The following TEX9 variants were observed in gnomAD, a reference collection of about 807,000 sequenced individuals.
TEX9 encodes the protein testis-expressed protein 9.
Under a neutral mutation model 59.6 loss-of-function variants are expected in TEX9, and 74 were observed. The observed-to-expected ratio is 1.24, with a 90% CI of 1.03 to 1.51. The LOEUF is 1.51. TEX9 is among the 40% of genes most tolerant of loss of function. The pLI is 0.00. For synonymous variants in TEX9, 186 were observed against 152.2 expected, an observed-to-expected ratio of 1.22 and a Z score of -1.64; for missense variants, 522 against 447.8, an observed-to-expected ratio of 1.17 and a Z score of -1.49.
Position 56,421,730 on chromosome 15 carries a change from T to G in TEX9, c.964-5875T>G, listed in dbSNP as rs1245839055. 3 of 151,692 alleles carry G rather than the reference T, an allele frequency of 2.0e-5. No homozygotes were observed. In the East Asian group the frequency reaches 5.8e-4, roughly 29 times the overall value. 9.4% of individuals were successfully genotyped at this position (151,692 alleles called of 1,614,324 possible). A position where few individuals can be genotyped will look rare whatever the true frequency, so the allele number is the denominator to read the frequency against. On this transcript the variant is annotated intron_variant, in intron 10 of 12. Transcript: ENST00000352903. ...GAATATGCGGTGTTTGGTTTTTTGT[T>G]CTTGCGATAGTTTGCTGAGAATGAT... is the stretch of plus-strand genomic sequence containing the variant.
At chr15:56,384,400 A>G (rs1291817277) in intron 4 of TEX9, among the ~76,000 whole-genome samples, 4 of 152,332 alleles carry the variant, frequency 2.6e-5, no homozygotes, top group Non-Finnish European at 5.9e-5. Flanking sequence ...CTTCCAAGCC[A>G]AAACAGACAA....
rs2046906022 is a variant in TEX9, at chr15:56,365,633, C to G, written c.82C>G (p.Pro28Ala). 1 of 1,614,226 alleles carries G rather than the reference C, an allele frequency of 6.2e-7. No individual in the cohort carries two copies. Among genetic ancestry groups the G allele is most frequent in the African/African-American group, 1.3e-5 (1 of 75,052 alleles). Residue 28 changes from proline (P) to alanine (A), a missense_variant, in exon 2 of 13, where the codon CCT becomes GCT. By Grantham distance (27) the Pro-to-Ala change is conservative. Coordinates refer to ENST00000352903, the Ensembl canonical transcript of TEX9. The stretch of plus-strand genomic sequence containing the variant: ...GCCACCCGTTCAGCAACCCTCTACA[C>G]CTGGACCCGACCTCCTCGCCTTGGA...
chr15:56,441,085 T>C (rs931635079), intron 12 of TEX9, among the ~76,000 whole-genome samples: 2 of 152,178 alleles, frequency 1.3e-5, no homozygotes, highest in African/African-American at 2.4e-5. Flanking sequence ...ATGCTGTTTT[T>C]TGAATCATTT....
At chr15:56,371,534 A>G (rs2142012056) in intron 2 of TEX9, among the ~76,000 whole-genome samples, 1 of 152,030 alleles carries the variant, frequency 6.6e-6, no homozygotes, top group South Asian at 2.1e-4. Context: ...TTCTTATAGT[A>G]TAAATTTTCC....
intron 10 of TEX9, among the ~76,000 whole-genome samples, chr15:56,418,620 C>T (rs1260163701): frequency 1.3e-5 from 2 of 151,468 alleles, no homozygotes; most frequent in African/African-American, 4.9e-5. Context: ...CACTGCACTC[C>T]AGCCTGGGTG....
chr15:56,441,166 T>G (rs1308429881), intron 12 of TEX9, among the ~76,000 whole-genome samples: 1 of 152,182 alleles, frequency 6.6e-6, no homozygotes, highest in Non-Finnish European at 1.5e-5. Flanking sequence ...AGAAATATAT[T>G]GTTTAATTAT....
At chr15:56,254,092 G>A (rs1486298466) in intron 1 of TEX9, among the ~76,000 whole-genome samples, 1 of 152,144 alleles carries the variant, frequency 6.6e-6, no homozygotes, top group African/African-American at 2.4e-5. Flanking sequence ...CTGCAGGAAA[G>A]TTACCTCTAC....
intron 1 of TEX9, among the ~76,000 whole-genome samples, chr15:56,350,046 G>A (rs1349873701): frequency 4.0e-5 from 6 of 151,806 alleles, no homozygotes; most frequent in Non-Finnish European, 7.4e-5. Flanking sequence ...CATAGGTCCC[G>A]GTGTCATGTT....
intron 1 of TEX9, among the ~76,000 whole-genome samples, chr15:56,273,946 T>G (rs1359498479): frequency 6.6e-6 from 1 of 152,228 alleles, no homozygotes; most frequent in African/African-American, 2.4e-5. Flanking sequence ...CTGCTTATGG[T>G]TCTCTGACCT....
intron 1 of TEX9, among the ~76,000 whole-genome samples, chr15:56,303,905 GATA>G (rs1428248637): frequency 2.0e-5 from 3 of 152,146 alleles, no homozygotes; most frequent in African/African-American, 7.2e-5. Flanking sequence ...AGAAGAAATG[GATA>G]ACTTTCTAGT....
intron 1 of TEX9, among the ~76,000 whole-genome samples, chr15:56,336,865 C>T (rs76730249): frequency 0.069 from 10,532 of 152,122 alleles, 457 homozygotes; most frequent in Non-Finnish European, 0.1. Context: ...AAAACTGGGG[C>T]AAGGCATTAC....
At chr15:56,398,435 A>G (rs1388268017) in intron 9 of TEX9, 1 of 152,186 alleles carries the variant, frequency 6.6e-6, no homozygotes, top group Non-Finnish European at 1.5e-5. Context: ...TAATTGGTCT[A>G]AAGGGAAAAA....
At chr15:56,398,371 T>C (rs1425181730) in intron 9 of TEX9, 1 of 152,194 alleles carries the variant, frequency 6.6e-6, no homozygotes, top group East Asian at 1.9e-4. Flanking sequence ...ACTAGAAATT[T>C]TGTAATTACA....
At chr15:56,405,188 C>G (rs1188881291) in intron 9 of TEX9, among the ~76,000 whole-genome samples, 1 of 151,812 alleles carries the variant, frequency 6.6e-6, no homozygotes, top group African/African-American at 2.4e-5. Flanking sequence ...CCTGTAGTCT[C>G]AGCTACTTGG....
chr15:56,358,696 C>T (rs2046734113), intron 1 of TEX9, among the ~76,000 whole-genome samples: 1 of 152,078 alleles, frequency 6.6e-6, no homozygotes, highest in African/African-American at 2.4e-5. Flanking sequence ...TATGGTTAGG[C>T]TTTGTGTTCC....
At chr15:56,316,520 G>A (rs1188959387) in intron 1 of TEX9, among the ~76,000 whole-genome samples, 11 of 150,882 alleles carry the variant, frequency 7.3e-5, no homozygotes, top group African/African-American at 2.2e-4. Flanking sequence ...CAGATCTCCA[G>A]CTGCGTGCTG....
intron 1 of TEX9, among the ~76,000 whole-genome samples, chr15:56,246,288 G>A (rs1419780123): frequency 1.3e-5 from 2 of 152,182 alleles, no homozygotes; most frequent in Admixed American, 6.5e-5. Context: ...GACCTACAGG[G>A]AGTTGAAGGA....
At chr15:56,390,453 C>T (rs1356205070) in intron 6 of TEX9, among the ~76,000 whole-genome samples, 2 of 151,904 alleles carry the variant, frequency 1.3e-5, no homozygotes, top group African/African-American at 4.8e-5. Flanking sequence ...TCTCATGTAC[C>T]TCATAAATGT....
rs1436857395 is a variant in TEX9, at chr15:56,410,333, A to T, written c.829-1969A>T. On this transcript the variant is annotated intron_variant, in intron 9 of 12. Transcript: ENST00000352903. ...TTTTGTCCTCTGCTGTGGCTGATGC[A>T]TGCCCCTCTCTTTTCTTACTCTCCC... is the stretch of plus-strand genomic sequence containing the variant. 2.6e-5 allele frequency: 4 copies of T among 152,252 alleles called. No homozygotes were observed. In the East Asian group the frequency reaches 5.8e-4, roughly 22 times the overall value. 9.4% of individuals were successfully genotyped at this position (152,252 alleles called of 1,614,324 possible). A position where few individuals can be genotyped will look rare whatever the true frequency, so the allele number is the denominator to read the frequency against.
Sources: allele counts gnomAD v4.1 joint callset (sites outside exome capture counted in the v4.1 genomes callset), GRCh38; gene constraint gnomAD v4.1.1; transcripts MANE v1.5; gene names NCBI Gene and HGNC (gene_info 2026-07-23, HGNC 2026-07-21).